DLC1: variants seen among roughly 807,000 people sequenced by gnomAD.
DLC1 encodes the protein DLC1 Rho GTPase activating protein, also known as rho GTPase-activating protein 7.
In DLC1, 54 loss-of-function variants were observed where a neutral mutation model predicts 140.3. That is an observed-to-expected ratio of 0.38 (90% CI 0.31 to 0.48). DLC1 has a LOEUF of 0.48. Among genes scored for constraint, DLC1 ranks in the 20% least tolerant of loss-of-function variants. DLC1 has a pLI of 0.96. For missense variants in DLC1, 2,536 were observed against 1,907.0 expected (o/e 1.33, Z -6.14); for synonymous variants, 986 against 728.1 (o/e 1.35, Z -5.70).
chr8:13,086,604 G>A (rs750340703), intron 16 of DLC1, 141 bp from the exon 17 acceptor site: 12 of 872,948 alleles, frequency 1.4e-5, no homozygotes, highest in Non-Finnish European at 1.9e-5. Context: ...CTAGGTAAAT[G>A]GCATCCTCTA....
At chr8:13,158,790 T>G (rs1824460699) in intron 5 of DLC1, among the ~76,000 whole-genome samples, 1 of 143,974 alleles carries the variant, frequency 6.9e-6, no homozygotes, top group Admixed American at 7.2e-5. Flanking sequence ...TGTCTTATTT[T>G]TCTTTGACAC....
chr8:13,504,050 G>C (rs1030836484), intron 1 of DLC1, among the ~76,000 whole-genome samples: 3 of 151,434 alleles, frequency 2.0e-5, no homozygotes, highest in Non-Finnish European at 4.4e-5. Context: ...ATAAATTCCA[G>C]AGAATTGCTT....
chr8:13,421,400 T>C (rs541327458), intron 2 of DLC1, among the ~76,000 whole-genome samples: 1 of 152,318 alleles, frequency 6.6e-6, no homozygotes, highest in Admixed American at 6.5e-5. Context: ...AATTATCTAC[T>C]AAGTCCTAAT....
At chr8:13,280,780 A>T (rs1301286342) in intron 5 of DLC1, among the ~76,000 whole-genome samples, 1 of 152,208 alleles carries the variant, frequency 6.6e-6, no homozygotes, top group Non-Finnish European at 1.5e-5. Flanking sequence ...GTGCTGGAAG[A>T]TCCTTTCAAA....
At chr8:13,216,198 T>C (rs1172521836) in intron 5 of DLC1, among the ~76,000 whole-genome samples, 1 of 152,178 alleles carries the variant, frequency 6.6e-6, no homozygotes, top group African/African-American at 2.4e-5. Flanking sequence ...AAGTCAACAA[T>C]AATACTTTGT....
intron 1 of DLC1, among the ~76,000 whole-genome samples, chr8:13,590,486 C>T (rs956093710): frequency 6.6e-6 from 1 of 151,958 alleles, no homozygotes; most frequent in Admixed American, 6.6e-5. Flanking sequence ...GGTGGATATC[C>T]AGTTCTGAGC....
chr8:13,344,165 C>T (rs1364887685), intron 4 of DLC1, among the ~76,000 whole-genome samples: 4 of 152,166 alleles, frequency 2.6e-5, no homozygotes, highest in African/African-American at 9.7e-5. Context: ...GAAGAAAGTA[C>T]AAAGATGAAT....
At chr8:13,565,653 G>A (rs981450557) in intron 1 of DLC1, among the ~76,000 whole-genome samples, 1 of 152,036 alleles carries the variant, frequency 6.6e-6, no homozygotes, top group African/African-American at 2.4e-5. Flanking sequence ...AATATATCTG[G>A]CTAGACCTGA....
Position 13,092,774 on chromosome 8 carries a change from A to T in DLC1, c.3578T>A (p.Leu1193Gln). The T allele has an allele frequency of 6.2e-7, 1 of 1,614,134 alleles. No homozygotes were observed. Among genetic ancestry groups the T allele is most frequent in the Non-Finnish European group, 8.5e-7 (1 of 1,180,022 alleles). ...LQAIKAAIMLLPDENREVLQT... is the reference protein window; with the variant it reads ...LQAIKAAIMLQPDENREVLQT... The stretch of plus-strand genomic sequence containing the variant: ...CAGAACCTCCCGGTTCTCGTCAGGC[A>T]GCAGCATGATGGCAGCCTTGATGGC... The change falls in exon 13 of 18, where the codon CTG becomes CAG. Residue 1193 changes from leucine (L) to glutamine (Q), a missense_variant. Transcript: ENST00000276297.
intron 5 of DLC1, among the ~76,000 whole-genome samples, chr8:13,282,488 C>G (rs1563222230): frequency 6.6e-6 from 1 of 151,914 alleles, no homozygotes; most frequent in Non-Finnish European, 1.5e-5. Flanking sequence ...AATGGTACAC[C>G]AAAAATAATG....
At chr8:13,297,634 G>C in intron 5 of DLC1, among the ~76,000 whole-genome samples, 1 of 152,170 alleles carries the variant, frequency 6.6e-6, no homozygotes, top group Non-Finnish European at 1.5e-5. Flanking sequence ...CCTAGTGGGA[G>C]AGACAGCAAT....
intron 1 of DLC1, among the ~76,000 whole-genome samples, chr8:13,586,865 C>T (rs770233092): frequency 6.6e-6 from 1 of 152,084 alleles, no homozygotes; most frequent in Non-Finnish European, 1.5e-5. Context: ...TAAGGACATG[C>T]TCTTTACCTA....
rs371109164 is a variant in DLC1, at chr8:13,112,737, C to T, written c.1421-1914G>A. On this transcript the variant is annotated intron_variant, in intron 6 of 17. Coordinates refer to ENST00000276297, the MANE Select transcript of DLC1 (RefSeq NM_182643.3). ...TTTTCAAATTTTTTAAATAGAGATG[C>T]GATCTCACTACGTTGGCCAGGTTGG... 5.3e-5 allele frequency among the ~76,000 whole-genome samples: 8 copies of T among 152,010 alleles called. No homozygotes were observed. The South Asian group carries it at 1.0e-3, about 20-fold the overall frequency.
chr8:13,560,826 T>A (rs1160081068), intron 1 of DLC1, among the ~76,000 whole-genome samples: 4 of 151,958 alleles, frequency 2.6e-5, no homozygotes, highest in East Asian at 1.9e-4. Context: ...GAGAACATCA[T>A]GAGAACGTGA....
intron 2 of DLC1, among the ~76,000 whole-genome samples, chr8:13,447,574 G>GA (rs1267433413): frequency 6.6e-6 from 1 of 151,978 alleles, no homozygotes; most frequent in Non-Finnish European, 1.5e-5. Context: ...TTTTAGAAAA[G>GA]AAAAAAACGT....
chr8:13,554,383 A>G (rs1156457664), intron 1 of DLC1, among the ~76,000 whole-genome samples: 1 of 152,092 alleles, frequency 6.6e-6, no homozygotes, highest in Non-Finnish European at 1.5e-5. Context: ...TATCACTTTC[A>G]AACTCCTATA....
Position 13,095,104 on chromosome 8 carries a change from C to G in DLC1, c.3309G>C (p.Arg1103=). 1.2e-6 allele frequency: 2 copies of G among 1,614,250 alleles called. No individual in the cohort carries two copies. The highest frequency in any genetic ancestry group is 1.7e-6 in the Non-Finnish European group (2 of 1,180,044). The change falls in exon 11 of 18, where the codon CGG becomes CGC. Residue 1103 remains arginine (R), a synonymous_variant. Coordinates refer to ENST00000276297, the MANE Select transcript of DLC1 (RefSeq NM_182643.3). The part of the protein sequence containing the change: ...QSIQQAMRYL[R]NHCLDQVGLF... Reference sequence around the variant, plus strand: ...CTCTCACCTGATCCAAACAATGGTTCCGGAGGTATCGCATGGCCTGCTGGA... The same window carrying G: ...CTCTCACCTGATCCAAACAATGGTTGCGGAGGTATCGCATGGCCTGCTGGA...
intron 6 of DLC1, among the ~76,000 whole-genome samples, chr8:13,112,725 T>A (rs898540745): frequency 6.6e-6 from 1 of 152,188 alleles, no homozygotes; most frequent in Non-Finnish European, 1.5e-5. Flanking sequence ...TCAAATTTTT[T>A]AAATAGAGAT....
At chr8:13,505,781 T>C (rs1356651444) in intron 1 of DLC1, among the ~76,000 whole-genome samples, 3 of 152,240 alleles carry the variant, frequency 2.0e-5, no homozygotes, top group Non-Finnish European at 4.4e-5. Flanking sequence ...CTAACTCTCC[T>C]GGGGAATTCC....
Sources: allele counts gnomAD v4.1 joint callset (sites outside exome capture counted in the v4.1 genomes callset), GRCh38; gene constraint gnomAD v4.1.1; transcripts MANE v1.5; gene names NCBI Gene and HGNC (gene_info 2026-07-23, HGNC 2026-07-21).